The following INSL6 variants were observed in gnomAD, a reference collection of about 807,000 sequenced individuals.
INSL6 encodes the protein insulin-like peptide INSL6.
A neutral mutation model predicts 9.4 loss-of-function variants in INSL6; 16 were observed. That is an observed-to-expected ratio of 1.70 (90% CI 1.15 to 2.59). The LOEUF (loss-of-function observed/expected upper bound fraction) is 2.59. INSL6 is among the 30% of genes most tolerant of loss of function. The probability of loss-of-function intolerance (pLI) is 0.00; values close to 1 mark genes in which losing one functional copy is unlikely to be tolerated. For synonymous variants in INSL6, 154 were observed against 96.9 expected, an observed-to-expected ratio of 1.59 and a Z score of -3.46; for missense variants, 391 against 257.3, an observed-to-expected ratio of 1.52 and a Z score of -3.56.
the INSL6 span, among the ~76,000 whole-genome samples, chr9:5,025,374 T>C: frequency 6.6e-6 from 1 of 152,218 alleles, no homozygotes; most frequent in Non-Finnish European, 1.5e-5. Context: ...TGGAATTGTC[T>C]TTCATGTTTG....
At chr9:5,080,396 C>A in the INSL6 span, 1 of 1,590,508 alleles carries the variant, frequency 6.3e-7, no homozygotes, top group Non-Finnish European at 8.6e-7. Context: ...TTTATATAGA[C>A]TAAGTTAGAA....
the INSL6 span, among the ~76,000 whole-genome samples, chr9:5,042,783 A>C: frequency 6.6e-6 from 1 of 152,292 alleles, no homozygotes; most frequent in Non-Finnish European, 1.5e-5. Context: ...AGGCCTCCCC[A>C]AAACTAAAGG....
At chr9:5,043,987 T>C in the INSL6 span, among the ~76,000 whole-genome samples, 2 of 152,230 alleles carry the variant, frequency 1.3e-5, no homozygotes, top group African/African-American at 4.8e-5. Flanking sequence ...TAAAAGACAA[T>C]ATAGAGTGTT....
At chr9:5,033,435 T>C in the INSL6 span, among the ~76,000 whole-genome samples, 2 of 152,074 alleles carry the variant, frequency 1.3e-5, no homozygotes, top group East Asian at 3.8e-4. Flanking sequence ...ACACACATAA[T>C]TGTCAGATTC....
At chr9:5,137,782 A>G (rs1352491741) in intron 2 of INSL6, among the ~76,000 whole-genome samples, 1 of 152,216 alleles carries the variant, frequency 6.6e-6, no homozygotes, top group East Asian at 1.9e-4. Flanking sequence ...AAAAGAAACT[A>G]TCATCAGAGT....
At chr9:4,998,242 A>C in the INSL6 span, among the ~76,000 whole-genome samples, 1 of 152,162 alleles carries the variant, frequency 6.6e-6, no homozygotes. Flanking sequence ...TAAGGGAAAA[A>C]AAACTCCAAC....
chr9:5,020,856 G>T, the INSL6 span, among the ~76,000 whole-genome samples: 3 of 152,248 alleles, frequency 2.0e-5, no homozygotes, highest in African/African-American at 4.8e-5. Flanking sequence ...ATATGCAGGG[G>T]CTGTTGGGCT....
the INSL6 span, chr9:5,029,954 G>A: frequency 1.3e-6 from 2 of 1,496,336 alleles, no homozygotes; most frequent in Non-Finnish European, 9.0e-7. Context: ...AGGCAAAATG[G>A]GAGAAATTAT....
the INSL6 span, among the ~76,000 whole-genome samples, chr9:5,102,254 C>T: frequency 6.6e-6 from 1 of 152,142 alleles, no homozygotes; most frequent in Non-Finnish European, 1.5e-5. Context: ...GCACAAGCTT[C>T]ACTAGCCGAC....
chr9:5,126,443 T>A lies in INSL6; in HGVS notation c.*11-1932A>T, dbSNP rs62637626. On this transcript the variant is annotated intron_variant, in intron 3 of 3. Coordinates refer to the INSL6 transcript ENST00000649639. ...TACCAAGACCAGATGGATGCCCAGA[T>A]GAGGTAACAATTTTTTTTTAATCCA... The A allele has an allele frequency of 6.7e-4, 1,067 of 1,594,448 alleles. 9 individuals are homozygous for A. The African/African-American group carries it at 0.014, about 20-fold the overall frequency.
downstream of INSL6, among the ~76,000 whole-genome samples, chr9:5,159,433 T>C (rs901837375): frequency 6.6e-6 from 1 of 151,330 alleles, no homozygotes; most frequent in African/African-American, 2.4e-5. Flanking sequence ...CAGACATACA[T>C]AGACTCAAAA....
intron 3 of INSL6, chr9:5,126,846 T>C (rs1187078532): frequency 9.6e-7 from 1 of 1,041,670 alleles, no homozygotes; most frequent in Admixed American, 1.9e-5. Flanking sequence ...AAGTTTTATA[T>C]TTCACATTGC....
chr9:5,025,210 A>G, the INSL6 span, among the ~76,000 whole-genome samples: 1 of 151,494 alleles, frequency 6.6e-6, no homozygotes, highest in African/African-American at 2.4e-5. Context: ...CACTGATGTT[A>G]CTCTTTTACT....
chr9:5,082,971 C>G, the INSL6 span, among the ~76,000 whole-genome samples: 1 of 152,182 alleles, frequency 6.6e-6, no homozygotes, highest in Non-Finnish European at 1.5e-5. Flanking sequence ...GACACAGTAA[C>G]ACACTGATCT....
the INSL6 span, among the ~76,000 whole-genome samples, chr9:4,998,071 AAT>A: frequency 2.0e-5 from 3 of 152,172 alleles, no homozygotes; most frequent in Non-Finnish European, 4.4e-5. Flanking sequence ...GATTTTTTTG[AAT>A]ATCAATAGCA....
downstream of INSL6, among the ~76,000 whole-genome samples, chr9:5,160,244 TATC>T (rs961794536): frequency 1.1e-4 from 15 of 142,016 alleles, no homozygotes; most frequent in Admixed American, 1.4e-4. Flanking sequence ...ATTGAAATAA[TATC>T]ATGTATCTTT....
chr9:5,163,544 T>C (rs1014776289), downstream of INSL6, among the ~76,000 whole-genome samples: 5 of 152,178 alleles, frequency 3.3e-5, no homozygotes, highest in Non-Finnish European at 5.9e-5. Flanking sequence ...TTGGAGTAAG[T>C]ATAAGCCTAA....
chr9:5,167,194 A>T (rs1825074420), intron 1 of INSL6, among the ~76,000 whole-genome samples: 1 of 152,210 alleles, frequency 6.6e-6, no homozygotes, highest in Non-Finnish European at 1.5e-5. Context: ...GGAGGCAGTG[A>T]GGGATTGTGC....
chr9:5,101,934 A>T, the INSL6 span, among the ~76,000 whole-genome samples: 1 of 152,228 alleles, frequency 6.6e-6, no homozygotes, highest in South Asian at 2.1e-4. Context: ...ATAAAACCAC[A>T]AAGATGGGGA....
Sources: gnomAD v4.1 joint callset for allele counts (sites outside exome capture counted in the v4.1 genomes callset) on GRCh38, gnomAD v4.1.1 for gene constraint, MANE v1.5 for transcripts, NCBI Gene and HGNC (gene_info 2026-07-23, HGNC 2026-07-21) for gene names.